The following RPL22L1 variants were observed in gnomAD, a reference collection of about 807,000 sequenced individuals.
The protein encoded by RPL22L1 is ribosomal protein eL22-like.
A neutral mutation model predicts 17.3 loss-of-function variants in RPL22L1; 19 were observed. The ratio of observed to expected loss-of-function variants is 1.10; its 90% CI spans 0.77 to 1.61. The LOEUF is 1.61. RPL22L1 is among the 40% of genes most tolerant of loss of function. The pLI is 0.00. For synonymous variants in RPL22L1, 48 were observed against 48.5 expected (o/e 0.99, Z 0.05); for missense variants, 139 against 144.4 (o/e 0.96, Z 0.19).
intron 1 of RPL22L1, among the ~76,000 whole-genome samples, chr3:170,869,107 C>CT (rs1491088742): frequency 2.2e-5 from 2 of 92,620 alleles, no homozygotes; most frequent in African/African-American, 6.5e-5. Flanking sequence ...GCAACAGACT[C>CT]TGTCTCAAAA....
rs1270820263 is a variant in RPL22L1, at chr3:170,865,446, G to A, written c.*934C>T. Reference sequence around the variant, plus strand: ...AGAGCTTTCAAAGGCCAGTTTATTCGGGAGAAAGGGTCCATCCACTTGTAA... The same window carrying A: ...AGAGCTTTCAAAGGCCAGTTTATTCAGGAGAAAGGGTCCATCCACTTGTAA... On this transcript the variant is annotated 3_prime_UTR_variant, in exon 4 of 4. Coordinates refer to ENST00000295830, the MANE Select transcript of RPL22L1 (RefSeq NM_001099645.2). 1 of 152,072 alleles carries A rather than the reference G, an allele frequency of 6.6e-6. No homozygotes were observed. The highest frequency in any genetic ancestry group is 6.5e-5 in the Admixed American group (1 of 15,274). 9.4% of individuals were successfully genotyped at this position (152,072 alleles called of 1,614,324 possible).
chr3:170,867,687 C>A lies in RPL22L1; in HGVS notation c.224+326G>T, dbSNP rs561006888. 2.6e-5 allele frequency among the ~76,000 whole-genome samples: 4 copies of A among 152,246 alleles called. No individual in the cohort carries two copies. The East Asian group carries it at 5.8e-4, about 22-fold the overall frequency. The stretch of plus-strand genomic sequence containing the variant: ...GAATAAATAACTTGAGACAATTCTC[C>A]TATGTACACATCAGACATGTTTCTT... On this transcript the variant is annotated intron_variant, in intron 3 of 3. Transcript: ENST00000295830.
chr3:170,868,366 A>T lies in RPL22L1; in HGVS notation c.34T>A (p.Ser12Thr). 6.2e-7 allele frequency: 1 copy of T among 1,607,992 alleles called. No individual in the cohort carries two copies. The highest frequency in any genetic ancestry group is 8.5e-7 in the Non-Finnish European group (1 of 1,176,642). ...APQKDRKPKR[S>T]TWRFNLDLTH... is the part of the protein sequence containing the mutation. Reference sequence around the variant, plus strand: ...AGGTCCAAATTAAACCTCCAGGTTGACCTCTTGGGCTTCCTGTCTTTCTGC... The same window carrying T: ...AGGTCCAAATTAAACCTCCAGGTTGTCCTCTTGGGCTTCCTGTCTTTCTGC... The change falls in exon 2 of 4, where the codon TCA becomes ACA. Residue 12 changes from serine (S) to threonine (T), a missense_variant. Physicochemically the swap from Ser to Thr is moderately conservative, Grantham distance 58 (BLOSUM62 1). Coordinates refer to ENST00000295830, the MANE Select transcript of RPL22L1 (RefSeq NM_001099645.2).
chr3:170,867,916 T>C, intron 3 of RPL22L1, 97 bp downstream of exon 3: 3 of 1,023,412 alleles, frequency 2.9e-6, no homozygotes, highest in Non-Finnish European at 4.2e-6. Flanking sequence ...AGTTCATATT[T>C]ATTCTTGCAT....
intron 3 of RPL22L1, among the ~76,000 whole-genome samples, chr3:170,866,977 A>G (rs1281026862): frequency 6.6e-6 from 1 of 152,138 alleles, no homozygotes; most frequent in Non-Finnish European, 1.5e-5. Flanking sequence ...CTCTCTCTAC[A>G]TCTAATGTAA....
chr3:170,867,096 G>C (rs2108280164), intron 3 of RPL22L1, among the ~76,000 whole-genome samples: 1 of 144,626 alleles, frequency 6.9e-6, no homozygotes, highest in East Asian at 2.0e-4. Flanking sequence ...TATAATCTCA[G>C]TTAACATGTA....
Position 170,866,243 on chromosome 3 carries a change from C to A in RPL22L1, c.*137G>T. ...AAATCAAAATCATATAAACAGCATA[C>A]TCAAAAAAATGAGACAAAAGTTCAA... On this transcript the variant is annotated 3_prime_UTR_variant, in exon 4 of 4. Coordinates refer to ENST00000295830, the MANE Select transcript of RPL22L1 (RefSeq NM_001099645.2). 1.5e-6 allele frequency: 1 copy of A among 652,844 alleles called. No homozygotes were observed. The highest frequency in any genetic ancestry group is 2.5e-6 in the Non-Finnish European group (1 of 402,852). 40.4% of individuals were successfully genotyped at this position (652,844 alleles called of 1,614,324 possible). A position where few individuals can be genotyped will look rare whatever the true frequency, so the allele number is the denominator to read the frequency against.
At chr3:170,867,949 C>A in intron 3 of RPL22L1, 64 bp downstream of exon 3, 1 of 1,275,062 alleles carries the variant, frequency 7.8e-7, no homozygotes. Context: ...CATGTAATAA[C>A]TACATATTCT....
intron 1 of RPL22L1, 191 bp downstream of exon 1, chr3:170,869,968 A>G: frequency 1.2e-6 from 1 of 854,858 alleles, no homozygotes; most frequent in Non-Finnish European, 1.9e-6. Context: ...ACTAGACCTC[A>G]TGGCAGCTGC....
intron 1 of RPL22L1, among the ~76,000 whole-genome samples, chr3:170,869,728 G>A (rs1711916061): frequency 6.6e-6 from 1 of 151,790 alleles, no homozygotes; most frequent in Non-Finnish European, 1.5e-5. Flanking sequence ...GGCCATCGCG[G>A]GAGCTGAGCG....
rs1382262805 is a variant in RPL22L1, at chr3:170,865,292, A to G, written c.*1088T>C. 6.6e-6 allele frequency: 1 copy of G among 152,274 alleles called. No individual in the cohort carries two copies. The highest frequency in any genetic ancestry group is 1.9e-4 in the East Asian group (1 of 5,204). The allele number at this position is 152,274 out of a possible 1,614,324, so 9.4% of individuals were successfully genotyped here. A position where few individuals can be genotyped will look rare whatever the true frequency, so the allele number is the denominator to read the frequency against. On this transcript the variant is annotated 3_prime_UTR_variant, in exon 4 of 4. Transcript: ENST00000295830. ...CAGATATGTTTGGCGACACAATTCT[A>G]TTAGCATCAAGACTCATCTAAGTAC...
intron 3 of RPL22L1, among the ~76,000 whole-genome samples, 184 bp downstream of exon 3, chr3:170,867,829 T>A (rs908827155): frequency 2.6e-5 from 4 of 152,126 alleles, no homozygotes; most frequent in Non-Finnish European, 5.9e-5. Flanking sequence ...ATTCTAGCAA[T>A]AAATGACACT....
At chr3:170,868,261 C>CT in intron 2 of RPL22L1, 37 bp downstream of exon 2, 1 of 1,501,946 alleles carries the variant, frequency 6.7e-7, no homozygotes, top group South Asian at 1.1e-5. Flanking sequence ...ATCAATAACT[C>CT]TGATTACAAA....
At chr3:170,870,093 A>G (rs1309602698) in intron 1 of RPL22L1, 66 bp downstream of exon 1, 5 of 1,612,516 alleles carry the variant, frequency 3.1e-6, no homozygotes, top group African/African-American at 1.3e-5. Context: ...GACAGATGCA[A>G]AAATCGTTAC....
rs1261847678 is a variant in RPL22L1, at chr3:170,865,999, C to CA, written c.*380dup. ...GCCAAACCCTACTCTACTAAAAGTACAAAAAATTAGCCGGGCATGGTGGCT... is the reference window on the plus strand; with the variant it reads ...GCCAAACCCTACTCTACTAAAAGTACAAAAAAATTAGCCGGGCATGGTGGCT... On this transcript the variant is annotated 3_prime_UTR_variant, in exon 4 of 4. Transcript: ENST00000295830. 16 of 154,866 alleles carry CA rather than the reference C, an allele frequency of 1.0e-4. No individual in the cohort carries two copies. The highest frequency in any genetic ancestry group is 3.9e-4 in the South Asian group (2 of 5,076). 9.6% of individuals were successfully genotyped at this position (154,866 alleles called of 1,614,324 possible).
At position 170,866,305 on chromosome 3, in the gene RPL22L1, C is replaced by T. The variant is rs1355852142; in HGVS notation, c.*75G>A. ...TTTTTATTCACTGATAAACTAAAAG[C>T]CAATTTCTTGGTATTTCTCATGTAT... On this transcript the variant is annotated 3_prime_UTR_variant, in exon 4 of 4. Transcript: ENST00000295830. 2 of 1,303,112 alleles carry T rather than the reference C, an allele frequency of 1.5e-6. No individual in the cohort carries two copies. Among genetic ancestry groups the T allele is most frequent in the South Asian group, 1.6e-5 (1 of 60,752 alleles). The allele number at this position is 1,303,112 out of a possible 1,614,324, so 80.7% of individuals were successfully genotyped here. A position where few individuals can be genotyped will look rare whatever the true frequency, so the allele number is the denominator to read the frequency against.
In RPL22L1 at chr3:170,866,007, TA is replaced by T; in HGVS notation, c.*372del. On this transcript the variant is annotated 3_prime_UTR_variant, in exon 4 of 4. Coordinates refer to ENST00000295830, the MANE Select transcript of RPL22L1 (RefSeq NM_001099645.2). ...CTACTCTACTAAAAGTACAAAAAAT[TA>T]GCCGGGCATGGTGGCTCACACCTGT... The T allele has an allele frequency of 6.4e-6, 1 of 155,568 alleles. No homozygotes were observed. Among genetic ancestry groups the T allele is most frequent in the Admixed American group, 6.4e-5 (1 of 15,614 alleles). 9.6% of individuals were successfully genotyped at this position (155,568 alleles called of 1,614,324 possible). A position where few individuals can be genotyped will look rare whatever the true frequency, so the allele number is the denominator to read the frequency against.
chr3:170,865,659 C>A lies in RPL22L1; in HGVS notation c.*721G>T, dbSNP rs1037606447. On this transcript the variant is annotated 3_prime_UTR_variant, in exon 4 of 4. Coordinates refer to ENST00000295830, the MANE Select transcript of RPL22L1 (RefSeq NM_001099645.2). Reference sequence around the variant, plus strand: ...CTACAAAGCAGGTGGTTAGGGCTTTCTAATAAGCAGTTTAACATTGGTTTA... The same window carrying A: ...CTACAAAGCAGGTGGTTAGGGCTTTATAATAAGCAGTTTAACATTGGTTTA... 2.6e-5 allele frequency: 4 copies of A among 152,146 alleles called. No homozygotes were observed. Among genetic ancestry groups the A allele is most frequent in the Non-Finnish European group, 5.9e-5 (4 of 68,022 alleles). The allele number at this position is 152,146 out of a possible 1,614,324, so 9.4% of individuals were successfully genotyped here.
rs1387758415 is a variant in RPL22L1 at position 170,866,320 on chromosome 3, T to C, written c.*60A>G. The C allele has an allele frequency of 7.2e-7, 1 of 1,397,272 alleles. No homozygotes were observed. The highest frequency in any genetic ancestry group is 9.6e-7 in the Non-Finnish European group (1 of 1,043,940). 86.6% of individuals were successfully genotyped at this position (1,397,272 alleles called of 1,614,324 possible). On this transcript the variant is annotated 3_prime_UTR_variant, in exon 4 of 4. Transcript: ENST00000295830. ...AAACTAAAAGCCAATTTCTTGGTAT[T>C]TCTCATGTATACTTCATTTATTTTA...
Sources: allele counts gnomAD v4.1 joint callset (sites outside exome capture counted in the v4.1 genomes callset), GRCh38; gene constraint gnomAD v4.1.1; transcripts MANE v1.5; gene names NCBI Gene and HGNC (gene_info 2026-07-23, HGNC 2026-07-21).